The following TRIO variants were observed in gnomAD, a reference collection of about 807,000 sequenced individuals.
The protein encoded by TRIO is triple functional domain protein.
A neutral mutation model predicts 351.9 loss-of-function variants in TRIO; 58 were observed. The ratio of observed to expected loss-of-function variants is 0.16; its 90% confidence interval spans 0.13 to 0.21. The LOEUF (loss-of-function observed/expected upper bound fraction) is 0.21. Ranked by LOEUF, TRIO falls within the 10% of genes least tolerant of loss-of-function variation. TRIO has a pLI of 1.00. For synonymous variants in TRIO, 1,758 were observed against 1,595.7 expected (o/e 1.10, Z -2.42); for missense variants, 3,201 against 4,027.8 (o/e 0.79, Z 5.56).
chr5:14,457,451 G>T (rs1168594808), intron 34 of TRIO, among the ~76,000 whole-genome samples: 1 of 134,864 alleles, frequency 7.4e-6, no homozygotes, highest in East Asian at 2.1e-4. Context: ...TGCTTAACCT[G>T]CCAGGTAAGC....
rs534952556 is a variant in TRIO, at chr5:14,427,164, TCCTC to T, written c.5203+7149_5203+7152del. On this transcript the variant is annotated intron_variant, in intron 34 of 56. Coordinates refer to ENST00000344204, the MANE Select transcript of TRIO (RefSeq NM_007118.4). ...TGACCGTGCCTATGTGCCCCTGTTG[TCCTC>T]CCTCCAGGACTGCCTCCTCACCCCA... 9.2e-5 allele frequency among the ~76,000 whole-genome samples: 14 copies of T among 152,228 alleles called. No individual in the cohort carries two copies. In the East Asian group the frequency reaches 2.7e-3, roughly 29 times the overall value.
chr5:14,379,921 C>A (rs188691902), intron 20 of TRIO, among the ~76,000 whole-genome samples: 1 of 152,352 alleles, frequency 6.6e-6, no homozygotes, highest in East Asian at 1.9e-4. Flanking sequence ...AGGGCTCTTG[C>A]TGATCTTGCC....
chr5:14,433,475 A>G (rs1308233630), intron 34 of TRIO, among the ~76,000 whole-genome samples: 1 of 152,232 alleles, frequency 6.6e-6, no homozygotes, highest in Non-Finnish European at 1.5e-5. Flanking sequence ...CTGGTGGTGC[A>G]GCTGTGCTTG....
chr5:14,393,937 A>C lies in TRIO; in HGVS notation c.4219-101A>C, dbSNP rs1747332567. On this transcript the variant is annotated intron_variant, in intron 27 of 56. Transcript: ENST00000344204. ...CTTTATTATTTCAGCATGATTAAAC[A>C]GTTGTCAGGTACAGTATTTGGAAAA... 3 of 648,072 alleles carry C rather than the reference A, an allele frequency of 4.6e-6. 1 individual carries two copies. The highest frequency in any genetic ancestry group is 6.6e-5 in the South Asian group (2 of 30,374). 40.1% of individuals were successfully genotyped at this position (648,072 alleles called of 1,614,324 possible). A position where few individuals can be genotyped will look rare whatever the true frequency, so the allele number is the denominator to read the frequency against.
chr5:14,363,936 G>A lies in TRIO; in HGVS notation c.2587+9G>A. The stretch of plus-strand genomic sequence containing the variant: ...TGAGGTCCAGGCCTCTGGTAAGAGG[G>A]CTCACTCCATCTGTGTCCGTTGTGA... On this transcript the variant is annotated intron_variant, in intron 14 of 56. Coordinates refer to ENST00000344204, the MANE Select transcript of TRIO (RefSeq NM_007118.4). 1 of 1,609,420 alleles carries A rather than the reference G, an allele frequency of 6.2e-7. No homozygotes were observed. The highest frequency in any genetic ancestry group is 8.5e-7 in the Non-Finnish European group (1 of 1,176,768).
intron 1 of TRIO, among the ~76,000 whole-genome samples, chr5:14,170,552 C>A (rs1181188482): frequency 6.8e-6 from 1 of 146,228 alleles, no homozygotes; most frequent in Non-Finnish European, 1.5e-5. Flanking sequence ...TGTCGCCTAG[C>A]CTGGAGTGCA....
At chr5:14,144,004 C>T in intron 1 of TRIO, 122 bp downstream of exon 1, 1 of 707,990 alleles carries the variant, frequency 1.4e-6, no homozygotes, top group Non-Finnish European at 1.8e-6. Flanking sequence ...CGTCGGGGCC[C>T]GCAGGCTCTC....
intron 1 of TRIO, among the ~76,000 whole-genome samples, chr5:14,201,026 G>A (rs1791074143): frequency 6.6e-6 from 1 of 152,190 alleles, no homozygotes; most frequent in African/African-American, 2.4e-5. Context: ...GGGAGGCTGA[G>A]ACAGGCAGTT....
chr5:14,299,690 C>G (rs1737689915), intron 7 of TRIO, among the ~76,000 whole-genome samples: 1 of 152,196 alleles, frequency 6.6e-6, no homozygotes, highest in Non-Finnish European at 1.5e-5. Context: ...TTTTCATAAA[C>G]TCAGTCTGGA....
chr5:14,192,407 A>G (rs1255839113), intron 1 of TRIO, among the ~76,000 whole-genome samples: 1 of 151,928 alleles, frequency 6.6e-6, no homozygotes, highest in East Asian at 1.9e-4. Flanking sequence ...CTACAGGTGT[A>G]TGTCCACCTG....
intron 10 of TRIO, 38 bp from the exon 11 acceptor site, chr5:14,336,498 A>G (rs1290964702): frequency 6.2e-7 from 1 of 1,604,646 alleles, no homozygotes; most frequent in Admixed American, 1.7e-5. Context: ...TCTGCTTTTC[A>G]CTTACCTTCT....
intron 4 of TRIO, among the ~76,000 whole-genome samples, chr5:14,290,195 G>A (rs1485390688): frequency 6.6e-5 from 10 of 152,340 alleles, no homozygotes; most frequent in Non-Finnish European, 2.9e-5. Flanking sequence ...CAGCCCACAC[G>A]TAATTGAATT....
chr5:14,162,275 A>G (rs1291151711), intron 1 of TRIO, among the ~76,000 whole-genome samples: 1 of 152,214 alleles, frequency 6.6e-6, no homozygotes, highest in African/African-American at 2.4e-5. Flanking sequence ...TGAAGGCACA[A>G]TTGGCCCTTC....
chr5:14,181,089 A>ATTT (rs35461923), intron 1 of TRIO, among the ~76,000 whole-genome samples: 3 of 149,072 alleles, frequency 2.0e-5, no homozygotes, highest in Admixed American at 6.6e-5. Context: ...ACTACAATGT[A>ATTT]TTTTTTTTTG....
At chr5:14,472,742 C>A in intron 39 of TRIO, 84 bp downstream of exon 39, 1 of 1,391,236 alleles carries the variant, frequency 7.2e-7, no homozygotes, top group South Asian at 1.3e-5. Flanking sequence ...TTGAACACCT[C>A]TCAAAAGCTT....
chr5:14,434,228 A>C (rs1022389296), intron 34 of TRIO, among the ~76,000 whole-genome samples: 1 of 152,220 alleles, frequency 6.6e-6, no homozygotes, highest in Non-Finnish European at 1.5e-5. Flanking sequence ...TTTAATTTTC[A>C]CGAAAATAAG....
intron 19 of TRIO, among the ~76,000 whole-genome samples, chr5:14,376,818 A>G (rs535112053): frequency 6.6e-6 from 1 of 152,320 alleles, no homozygotes; most frequent in East Asian, 1.9e-4. Flanking sequence ...CCCTGGGGTC[A>G]TCATACTCAG....
chr5:14,491,214 C>A (rs986600092), intron 48 of TRIO, among the ~76,000 whole-genome samples: 2 of 152,192 alleles, frequency 1.3e-5, no homozygotes, highest in African/African-American at 4.8e-5. Flanking sequence ...TCCTTTTGGC[C>A]AGCTACAGCA....
intron 7 of TRIO, among the ~76,000 whole-genome samples, chr5:14,297,697 C>G (rs777669440): frequency 5.3e-5 from 8 of 152,168 alleles, no homozygotes; most frequent in Non-Finnish European, 1.2e-4. Flanking sequence ...AACGCCCATC[C>G]GTGGTGCAGA....
Sources: gnomAD v4.1 joint callset for allele counts (sites outside exome capture counted in the v4.1 genomes callset) on GRCh38, gnomAD v4.1.1 for gene constraint, MANE v1.5 for transcripts, NCBI Gene and HGNC (gene_info 2026-07-23, HGNC 2026-07-21) for gene names.